FHIT: variants seen among roughly 807,000 people sequenced by gnomAD.
FHIT encodes the protein fragile histidine triad diadenosine triphosphatase.
A neutral mutation model predicts 17.9 loss-of-function variants in FHIT; 19 were observed. That is an observed-to-expected ratio of 1.06 (90% confidence interval 0.74 to 1.56). The LOEUF (loss-of-function observed/expected upper bound fraction) is 1.56, where lower values mean the gene tolerates loss of function less well. Ranked by LOEUF, FHIT falls within the 40% of genes most tolerant of loss-of-function variation. The pLI is 0.00. For synonymous variants in FHIT, 81 were observed against 69.7 expected (o/e 1.16, Z -0.81); for missense variants, 248 against 189.2 (o/e 1.31, Z -1.82).
At chr3:60,372,634 G>A (rs1004297689) in intron 5 of FHIT, among the ~76,000 whole-genome samples, 2 of 152,134 alleles carry the variant, frequency 1.3e-5, no homozygotes, top group African/African-American at 4.8e-5. Context: ...TTTACTTCCT[G>A]ATGGCAAAAA....
intron 5 of FHIT, among the ~76,000 whole-genome samples, chr3:60,396,484 T>C (rs1421097699): frequency 6.6e-6 from 1 of 152,186 alleles, no homozygotes; most frequent in Admixed American, 6.5e-5. Context: ...AAGGCCATTT[T>C]TGATTGGGAA....
At chr3:60,510,887 C>G (rs1368074154) in intron 5 of FHIT, among the ~76,000 whole-genome samples, 2 of 152,056 alleles carry the variant, frequency 1.3e-5, no homozygotes, top group Non-Finnish European at 2.9e-5. Flanking sequence ...GTTGTAAATT[C>G]AATAGTACAT....
rs371497533 is a variant in FHIT at position 60,639,580 on chromosome 3, A to T, written c.-17-102601T>A. Among the ~76,000 whole-genome samples, 3 of 152,278 alleles carry T rather than the reference A, an allele frequency of 2.0e-5. No homozygotes were observed. In the East Asian group the frequency reaches 5.8e-4, roughly 29 times the overall value. On this transcript the variant is annotated intron_variant, in intron 4 of 9. Transcript: ENST00000492590. ...AACTAGAAATAGACCACAGAATTTG[A>T]AAAATATCATTTCTGGATTAAATCA...
At chr3:60,019,253 T>C (rs762112720) in intron 5 of FHIT, among the ~76,000 whole-genome samples, 3 of 151,988 alleles carry the variant, frequency 2.0e-5, no homozygotes, top group Non-Finnish European at 2.9e-5. Context: ...AGATTCAAGG[T>C]AGAGATATTC....
At chr3:59,900,770 T>C (rs1704292498) in intron 8 of FHIT, among the ~76,000 whole-genome samples, 1 of 152,172 alleles carries the variant, frequency 6.6e-6, no homozygotes, top group African/African-American at 2.4e-5. Flanking sequence ...CCCACCACCA[T>C]GCTTGGCTAC....
At chr3:59,910,855 T>G (rs1704836077) in intron 8 of FHIT, among the ~76,000 whole-genome samples, 1 of 152,300 alleles carries the variant, frequency 6.6e-6, no homozygotes, top group African/African-American at 2.4e-5. Context: ...CACAGCTTAG[T>G]TTTTGGTGAC....
At chr3:59,956,567 C>T (rs1170771126) in intron 7 of FHIT, among the ~76,000 whole-genome samples, 1 of 152,086 alleles carries the variant, frequency 6.6e-6, no homozygotes, top group Non-Finnish European at 1.5e-5. Flanking sequence ...ACTTGGGAGG[C>T]TGAACCAGGA....
chr3:60,378,873 G>T (rs7631068), intron 5 of FHIT, among the ~76,000 whole-genome samples: 95,637 of 152,074 alleles, frequency 0.63, 30,188 homozygotes, highest in East Asian at 0.69. Context: ...ATAAAGTAAG[G>T]TGAAAAAAGA....
At chr3:60,857,526 T>C (rs1487759037) in intron 3 of FHIT, among the ~76,000 whole-genome samples, 1 of 151,900 alleles carries the variant, frequency 6.6e-6, no homozygotes, top group Non-Finnish European at 1.5e-5. Flanking sequence ...AGGATTAAAT[T>C]AGATAATACA....
At chr3:60,170,290 A>T (rs571349407) in intron 5 of FHIT, among the ~76,000 whole-genome samples, 1 of 152,196 alleles carries the variant, frequency 6.6e-6, no homozygotes, top group Non-Finnish European at 1.5e-5. Flanking sequence ...AAGGAATCAC[A>T]GAAGGAAGTG....
At chr3:59,854,760 C>A (rs1702083436) in intron 8 of FHIT, among the ~76,000 whole-genome samples, 1 of 152,002 alleles carries the variant, frequency 6.6e-6, no homozygotes, top group South Asian at 2.1e-4. Flanking sequence ...CATATTATTG[C>A]CATACTAGGC....
intron 4 of FHIT, among the ~76,000 whole-genome samples, chr3:60,770,506 G>C (rs1462435774): frequency 6.6e-6 from 1 of 152,144 alleles, no homozygotes; most frequent in African/African-American, 2.4e-5. Context: ...CTTCACTGTG[G>C]AAGTGAGCAA....
intron 5 of FHIT, among the ~76,000 whole-genome samples, chr3:60,052,386 C>A (rs1369245753): frequency 6.6e-6 from 1 of 152,050 alleles, no homozygotes; most frequent in African/African-American, 2.4e-5. Flanking sequence ...ATCCTAGAGT[C>A]CTTAGAATCT....
intron 4 of FHIT, among the ~76,000 whole-genome samples, chr3:60,814,202 AT>A (rs1441526921): frequency 3.3e-5 from 5 of 151,718 alleles, no homozygotes; most frequent in African/African-American, 1.2e-4. Flanking sequence ...TTATGTGTTT[AT>A]TTTTTCAACT....
intron 3 of FHIT, among the ~76,000 whole-genome samples, chr3:61,026,843 A>C (rs985531692): frequency 5.9e-5 from 9 of 152,046 alleles, no homozygotes; most frequent in Non-Finnish European, 1.0e-4. Context: ...TTCAAACCTC[A>C]CCTTCCCACA....
chr3:60,345,266 T>C (rs1170372531), intron 5 of FHIT, among the ~76,000 whole-genome samples: 4 of 152,172 alleles, frequency 2.6e-5, no homozygotes, highest in African/African-American at 9.6e-5. Flanking sequence ...GGGCAGGGCC[T>C]CACAGTGAGT....
chr3:60,071,543 C>T (rs2106977404), intron 5 of FHIT, among the ~76,000 whole-genome samples: 1 of 152,236 alleles, frequency 6.6e-6, no homozygotes, highest in South Asian at 2.1e-4. Context: ...GTCTGGCATG[C>T]CTGACTGCTG....
chr3:60,556,899 G>C (rs147296022), intron 4 of FHIT, among the ~76,000 whole-genome samples: 2 of 152,278 alleles, frequency 1.3e-5, no homozygotes, highest in South Asian at 2.1e-4. Flanking sequence ...TTTTTATACA[G>C]CTAAGAGAAG....
chr3:60,232,408 T>C (rs1245984877), intron 5 of FHIT, among the ~76,000 whole-genome samples: 1 of 152,174 alleles, frequency 6.6e-6, no homozygotes. Flanking sequence ...CCTTAACATA[T>C]ATCATTGAGC....
Sources: allele counts gnomAD v4.1 joint callset (sites outside exome capture counted in the v4.1 genomes callset), GRCh38; gene constraint gnomAD v4.1.1; transcripts MANE v1.5; gene names NCBI Gene and HGNC (gene_info 2026-07-23, HGNC 2026-07-21).